BIN3: variants seen among roughly 807,000 people sequenced by gnomAD.
BIN3 encodes bridging integrator 3.
A neutral mutation model predicts 38.2 loss-of-function variants in BIN3; 41 were observed. The observed-to-expected ratio is 1.07, with a 90% CI of 0.84 to 1.39. The LOEUF (loss-of-function observed/expected upper bound fraction) is 1.39. Among genes scored for constraint, BIN3 ranks in the 40% most tolerant of loss-of-function variants. BIN3 has a pLI of 0.00. For synonymous variants in BIN3, 145 were observed against 122.6 expected (o/e 1.18, Z -1.21); for missense variants, 361 against 324.3 (o/e 1.11, Z -0.87).
rs951699994 is a variant in BIN3, at chr8:22,663,318, T to A, written c.8+5726A>T. ...CAGGTGTGGTGGCTAACACTTATAG[T>A]CCCAGCCACTCAGGAGGCTAAGGCA... is the stretch of plus-strand genomic sequence containing the variant. On this transcript the variant is annotated intron_variant, in intron 1 of 8. Coordinates refer to ENST00000276416, the MANE Select transcript of BIN3 (RefSeq NM_018688.6). Among the ~76,000 whole-genome samples, 10 of 151,018 alleles carry A rather than the reference T, an allele frequency of 6.6e-5. No homozygotes were observed. The South Asian group carries it at 1.7e-3, about 25-fold the overall frequency.
chr8:22,647,280 T>G (rs562360248), intron 1 of BIN3, among the ~76,000 whole-genome samples: 1 of 152,306 alleles, frequency 6.6e-6, no homozygotes, highest in South Asian at 2.1e-4. Context: ...TTCCATTATT[T>G]GTGGTGTGAC....
At chr8:22,666,619 G>A (rs1254117369) in intron 1 of BIN3, among the ~76,000 whole-genome samples, 1 of 152,156 alleles carries the variant, frequency 6.6e-6, no homozygotes, top group Non-Finnish European at 1.5e-5. Flanking sequence ...AAACAAACAG[G>A]GGGTGGGCGG....
intron 8 of BIN3, among the ~76,000 whole-genome samples, chr8:22,621,809 T>A (rs1313706943): frequency 6.6e-6 from 1 of 152,090 alleles, no homozygotes; most frequent in African/African-American, 2.4e-5. Context: ...GGCTCCTGGT[T>A]CCCCCAGCAG....
chr8:22,641,920 G>A (rs1469327876), intron 2 of BIN3, among the ~76,000 whole-genome samples: 1 of 152,218 alleles, frequency 6.6e-6, no homozygotes, highest in Non-Finnish European at 1.5e-5. Context: ...GACCTGGGGA[G>A]TGGGAGGGGA....
intron 1 of BIN3, among the ~76,000 whole-genome samples, chr8:22,653,080 A>C (rs1008542431): frequency 5.9e-5 from 9 of 152,230 alleles, no homozygotes; most frequent in African/African-American, 2.2e-4. Context: ...GTCAGGGCAC[A>C]TTTCAAGGTT....
intron 1 of BIN3, among the ~76,000 whole-genome samples, chr8:22,650,248 G>A (rs1802848116): frequency 6.6e-6 from 1 of 152,192 alleles, no homozygotes; most frequent in Non-Finnish European, 1.5e-5. Flanking sequence ...AACTGCCCTA[G>A]AGACAGATTG....
intron 4 of BIN3, among the ~76,000 whole-genome samples, chr8:22,635,646 G>C (rs1802343912): frequency 1.3e-5 from 2 of 152,096 alleles, no homozygotes; most frequent in South Asian, 4.2e-4. Context: ...GCAACAGCCT[G>C]TGCCACTCGG....
chr8:22,648,894 CGTATGTATGTATGTAT>C (rs56065322), intron 1 of BIN3, among the ~76,000 whole-genome samples: 30 of 147,900 alleles, frequency 2.0e-4, no homozygotes, highest in African/African-American at 4.0e-4. Flanking sequence ...TCCACATCAA[CGTATGTATGTATGTAT>C]GTATGTATGT....
At chr8:22,645,298 CAAAAA>C (rs113918512) in intron 1 of BIN3, among the ~76,000 whole-genome samples, 2 of 144,362 alleles carry the variant, frequency 1.4e-5, no homozygotes, top group East Asian at 4.0e-4. Context: ...GATCCTATCT[CAAAAA>C]AAAAAACACA....
Position 22,621,222 on chromosome 8 carries a change from C to T in BIN3, c.*200G>A, listed in dbSNP as rs1801793203. 2 of 651,028 alleles carry T rather than the reference C, an allele frequency of 3.1e-6. No individual in the cohort carries two copies. Among genetic ancestry groups the T allele is most frequent in the South Asian group, 3.9e-5 (2 of 51,514 alleles). 40.3% of individuals were successfully genotyped at this position (651,028 alleles called of 1,614,324 possible). A position where few individuals can be genotyped will look rare whatever the true frequency, so the allele number is the denominator to read the frequency against. ...AGGGTTTGTCTACACTGCTTACCTG[C>T]TGGGGCTGTGAGTGGGGAGACGGCG... On this transcript the variant is annotated 3_prime_UTR_variant, in exon 9 of 9. Coordinates refer to ENST00000276416, the MANE Select transcript of BIN3 (RefSeq NM_018688.6).
chr8:22,644,704 G>A (rs778785835), intron 2 of BIN3, 51 bp downstream of exon 2: 1 of 1,554,938 alleles, frequency 6.4e-7, no homozygotes, highest in Non-Finnish European at 8.8e-7. Context: ...CTTATGCAAA[G>A]GCCATGTGAT....
At chr8:22,643,058 T>C (rs760751386) in intron 2 of BIN3, among the ~76,000 whole-genome samples, 7 of 152,186 alleles carry the variant, frequency 4.6e-5, no homozygotes, top group South Asian at 2.1e-4. Flanking sequence ...TTGATAAAGG[T>C]TGGGGTGCTG....
intron 3 of BIN3, 35 bp from the exon 4 acceptor site, chr8:22,636,621 T>G (rs775025241): frequency 1.3e-6 from 2 of 1,548,504 alleles, no homozygotes; most frequent in East Asian, 4.9e-5. Context: ...TGGGGTCCCC[T>G]TCCTTCCCCC....
chr8:22,628,324 G>A lies in BIN3; in HGVS notation c.338+1640C>T, dbSNP rs551349821. On this transcript the variant is annotated intron_variant, in intron 6 of 8. Coordinates refer to ENST00000276416, the MANE Select transcript of BIN3 (RefSeq NM_018688.6). The stretch of plus-strand genomic sequence containing the variant: ...TTCATCAGAGGACAGGAAAGCTGGA[G>A]TTTCCTGTTTCCGGTGCTGGGGTCC... 5.3e-5 allele frequency among the ~76,000 whole-genome samples: 8 copies of A among 152,348 alleles called. No individual in the cohort carries two copies. The South Asian group carries it at 8.3e-4, about 16-fold the overall frequency.
At chr8:22,634,766 G>A (rs952589077) in intron 4 of BIN3, among the ~76,000 whole-genome samples, 2 of 152,134 alleles carry the variant, frequency 1.3e-5, no homozygotes, top group African/African-American at 4.8e-5. Flanking sequence ...GGGCTGTTTC[G>A]GTCACCTTCT....
chr8:22,630,072 C>A (rs1802139704), intron 5 of BIN3, 68 bp from the exon 6 acceptor site: 1 of 1,459,702 alleles, frequency 6.9e-7, no homozygotes, highest in South Asian at 1.2e-5. Context: ...AGGCAGGGCC[C>A]CTAACTACCA....
intron 1 of BIN3, among the ~76,000 whole-genome samples, chr8:22,656,795 A>C (rs543038407): frequency 1.3e-5 from 2 of 152,368 alleles, no homozygotes; most frequent in South Asian, 4.1e-4. Flanking sequence ...TTAGATGACC[A>C]GTTTGTTCTC....
intron 1 of BIN3, among the ~76,000 whole-genome samples, chr8:22,646,025 A>C (rs1353213509): frequency 6.6e-6 from 1 of 152,228 alleles, no homozygotes; most frequent in African/African-American, 2.4e-5. Flanking sequence ...CAACCTGAGC[A>C]TTAGCCTGGC....
rs558636663 is a variant in BIN3, at chr8:22,623,860, G to C, written c.615+55C>G. ...CCACCCTTCCAGTGTGGGTGACAGG[G>C]AGTGGCATGAGCTGTGTATACCAAG... On this transcript the variant is annotated intron_variant, in intron 8 of 8. Transcript: ENST00000276416. The C allele has an allele frequency of 3.8e-4, 597 of 1,575,428 alleles. 4 individuals are homozygous for C. In the South Asian group the frequency reaches 5.9e-3, roughly 16 times the overall value.
Sources: gnomAD v4.1 joint callset for allele counts (sites outside exome capture counted in the v4.1 genomes callset) on GRCh38, gnomAD v4.1.1 for gene constraint, MANE v1.5 for transcripts, NCBI Gene and HGNC (gene_info 2026-07-23, HGNC 2026-07-21) for gene names.